KCNH1: variants seen among roughly 807,000 people sequenced by gnomAD.
KCNH1 encodes voltage-gated delayed rectifier potassium channel KCNH1.
A neutral mutation model predicts 69.2 loss-of-function variants in KCNH1; 27 were observed. That is an observed-to-expected ratio of 0.39 (90% CI 0.29 to 0.54). KCNH1 has a LOEUF of 0.54. Ranked by LOEUF, KCNH1 falls within the 20% of genes least tolerant of loss-of-function variation. The pLI is 0.68. For missense variants in KCNH1, 798 were observed against 1,261.6 expected (o/e 0.63, Z 5.57); for synonymous variants, 456 against 487.7 (o/e 0.93, Z 0.86).
At chr1:211,046,651 T>A (rs1311405399) in intron 5 of KCNH1, among the ~76,000 whole-genome samples, 1 of 152,182 alleles carries the variant, frequency 6.6e-6, no homozygotes, top group Non-Finnish European at 1.5e-5. Context: ...CTTTGCCAAG[T>A]TTAACTCCAG....
intron 6 of KCNH1, among the ~76,000 whole-genome samples, chr1:210,950,216 CTT>C (rs925247382): frequency 2.8e-5 from 4 of 142,356 alleles, no homozygotes; most frequent in Admixed American, 7.1e-5. Flanking sequence ...GTTTAGATTT[CTT>C]TTTTTTTTTT....
intron 7 of KCNH1, among the ~76,000 whole-genome samples, chr1:210,865,798 C>T (rs1686094907): frequency 6.6e-6 from 1 of 152,128 alleles, no homozygotes. Flanking sequence ...TTACTTTTCC[C>T]CCAACTCTTT....
chr1:210,942,027 C>T (rs1164678935), intron 6 of KCNH1, among the ~76,000 whole-genome samples: 1 of 152,126 alleles, frequency 6.6e-6, no homozygotes, highest in Non-Finnish European at 1.5e-5. Flanking sequence ...ACTCTACTGC[C>T]ATTAGGCCTT....
rs1558420927 is a variant in KCNH1, at chr1:210,683,630, A to G, written c.2621T>C (p.Leu874Pro). The G allele has an allele frequency of 2.5e-6, 4 of 1,614,168 alleles. No individual in the cohort carries two copies. The highest frequency in any genetic ancestry group is 3.4e-6 in the Non-Finnish European group (4 of 1,180,038). Residue 874 changes from leucine (L) to proline (P), a missense_variant, in exon 11 of 11, where the codon CTG (leucine) becomes CCG (proline). Leu to Pro is a moderately conservative substitution (Grantham distance 98). Coordinates refer to ENST00000271751, the MANE Select transcript of KCNH1 (RefSeq NM_172362.3). The surrounding 1 kb of genome is among the most constrained non-coding windows in gnomAD (Gnocchi z 5.7). ...ACTGTCACACGAGTCTGTCTTCTTCAGTGTGGCCTCGCCTGACGCTTTTGT... is the reference window on the plus strand; with the variant it reads ...ACTGTCACACGAGTCTGTCTTCTTCGGTGTGGCCTCGCCTGACGCTTTTGT... Reference protein sequence around the residue: ...ERTKASGEATLKKTDSCDSGI... With the variant: ...ERTKASGEATPKKTDSCDSGI...
At chr1:211,048,747 T>C (rs947035840) in intron 5 of KCNH1, among the ~76,000 whole-genome samples, 1 of 152,202 alleles carries the variant, frequency 6.6e-6, no homozygotes, top group African/African-American at 2.4e-5. Context: ...CAGTGTACAC[T>C]GCTCAGGTGA....
chr1:210,732,952 T>C (rs1380583052), intron 10 of KCNH1, among the ~76,000 whole-genome samples: 1 of 152,124 alleles, frequency 6.6e-6, no homozygotes, highest in Non-Finnish European at 1.5e-5. Flanking sequence ...CTTAACACTT[T>C]CTGGATTAGG....
intron 1 of KCNH1, among the ~76,000 whole-genome samples, chr1:211,109,154 A>C (rs1691415068): frequency 6.6e-6 from 1 of 152,236 alleles, no homozygotes; most frequent in African/African-American, 2.4e-5. Flanking sequence ...AGAAATTAAA[A>C]TATGGTCACT....
chr1:210,835,963 C>G (rs901982576), intron 7 of KCNH1, among the ~76,000 whole-genome samples: 26 of 151,902 alleles, frequency 1.7e-4, no homozygotes, highest in Non-Finnish European at 1.2e-4. Flanking sequence ...AACCCCATCT[C>G]TACTAAAAAT....
At chr1:210,781,832 G>A (rs182837877) in intron 9 of KCNH1, among the ~76,000 whole-genome samples, 41 of 152,280 alleles carry the variant, frequency 2.7e-4, no homozygotes, top group African/African-American at 5.5e-4. Flanking sequence ...TATGAGTTTC[G>A]GGGCTAGACA....
intron 10 of KCNH1, among the ~76,000 whole-genome samples, chr1:210,703,246 A>C (rs1681827014): frequency 6.6e-6 from 1 of 152,236 alleles, no homozygotes; most frequent in African/African-American, 2.4e-5. Context: ...TAAAAATAAT[A>C]AAAGACACCA....
intron 7 of KCNH1, among the ~76,000 whole-genome samples, chr1:210,853,176 C>T (rs1376005429): frequency 6.6e-6 from 1 of 152,122 alleles, no homozygotes; most frequent in African/African-American, 2.4e-5. Flanking sequence ...ACTTACTGGC[C>T]ACGTAAACTT....
intron 4 of KCNH1, among the ~76,000 whole-genome samples, chr1:211,084,992 G>T (rs1412493059): frequency 1.3e-5 from 2 of 152,158 alleles, no homozygotes; most frequent in African/African-American, 4.8e-5. Context: ...TCTATGACAG[G>T]GATGAGTACA....
At chr1:210,993,421 A>G (rs930732247) in intron 6 of KCNH1, among the ~76,000 whole-genome samples, 3 of 152,194 alleles carry the variant, frequency 2.0e-5, no homozygotes, top group Non-Finnish European at 4.4e-5. Context: ...TCAAAATATT[A>G]AAAAGGTAAC....
intron 10 of KCNH1, among the ~76,000 whole-genome samples, chr1:210,758,353 G>T (rs1405591791): frequency 6.6e-6 from 1 of 152,166 alleles, no homozygotes; most frequent in Non-Finnish European, 1.5e-5. Flanking sequence ...CTCTCTCATC[G>T]CAGGACAGGA....
In KCNH1 at chr1:210,681,351, A is replaced by G. The variant is rs1681261148; in HGVS notation, c.*1930T>C. ...GGAAATTAGACTTCCTCTTACTTGTATGCCGCCATCTGAGGCTAAATCTAA... is the reference window on the plus strand; with the variant it reads ...GGAAATTAGACTTCCTCTTACTTGTGTGCCGCCATCTGAGGCTAAATCTAA... On this transcript the variant is annotated 3_prime_UTR_variant, in exon 11 of 11. Transcript: ENST00000271751. 6.6e-6 allele frequency: 1 copy of G among 152,238 alleles called. No individual in the cohort carries two copies. Among genetic ancestry groups the G allele is most frequent in the Non-Finnish European group, 1.5e-5 (1 of 68,062 alleles). The allele number at this position is 152,238 out of a possible 1,614,324, so 9.4% of individuals were successfully genotyped here.
chr1:211,113,639 C>G (rs1691511624), intron 1 of KCNH1, among the ~76,000 whole-genome samples: 1 of 152,206 alleles, frequency 6.6e-6, no homozygotes, highest in South Asian at 2.1e-4. Flanking sequence ...GAATACCACA[C>G]TGGGTGACCC....
intron 5 of KCNH1, among the ~76,000 whole-genome samples, chr1:211,059,001 C>T (rs865850960): frequency 6.6e-6 from 1 of 152,162 alleles, no homozygotes; most frequent in African/African-American, 2.4e-5. Context: ...AAAAAGTCAG[C>T]CAGGTGCGGT....
chr1:210,692,900 G>C (rs559014871), intron 10 of KCNH1, among the ~76,000 whole-genome samples: 22 of 152,320 alleles, frequency 1.4e-4, no homozygotes, highest in Admixed American at 6.5e-5. Context: ...AAGCCACCAA[G>C]TCTGTGGTCG....
At chr1:210,892,796 C>T (rs1175713746) in intron 7 of KCNH1, among the ~76,000 whole-genome samples, 1 of 152,168 alleles carries the variant, frequency 6.6e-6, no homozygotes, top group African/African-American at 2.4e-5. Context: ...GTCTTATTGC[C>T]ACTGCCATGT....
Sources: allele counts gnomAD v4.1 joint callset (sites outside exome capture counted in the v4.1 genomes callset), GRCh38; gene constraint gnomAD v4.1.1; non-coding constraint Gnocchi (gnomAD v3.1); transcripts MANE v1.5; gene names NCBI Gene and HGNC (gene_info 2026-07-23, HGNC 2026-07-21).